CELSR3: variants seen among roughly 807,000 people sequenced by gnomAD.
CELSR3 encodes the protein EGF-like protein 1.
A neutral mutation model predicts 270.0 loss-of-function variants in CELSR3; 73 were observed. That is an observed-to-expected ratio of 0.27 (90% CI 0.22 to 0.33). The LOEUF (loss-of-function observed/expected upper bound fraction) is 0.33, where lower values mean the gene tolerates loss of function less well. Among genes scored for constraint, CELSR3 ranks in the 10% least tolerant of loss-of-function variants. The pLI is 1.00. For synonymous variants in CELSR3, 1,780 were observed against 1,905.4 expected, an observed-to-expected ratio of 0.93 and a Z score of 1.71; for missense variants, 3,614 against 4,533.8, an observed-to-expected ratio of 0.80 and a Z score of 5.83.
rs748717334 is a variant in CELSR3 at position 48,640,220 on chromosome 3, G to T, written c.9365C>A (p.Pro3122Gln). ...LEPKDRGSTL[P>Q]RRQPPRDYPG... ...GTAGTCCCGAGGTGGCTGCCTCCGT[G>T]GCAGGGTGCTGCCCCGATCTTTGGG... Residue 3122 changes from proline (P) to glutamine (Q), a missense_variant, in exon 34 of 35, where the codon CCA (proline) becomes CAA (glutamine). Physicochemically the swap from Pro to Gln is moderately conservative, Grantham distance 76. This residue lies in a region of CELSR3 where 1,240 missense variants were observed against 1,351.7 expected (regional missense o/e 0.92). Coordinates refer to ENST00000164024, the MANE Select transcript of CELSR3 (RefSeq NM_001407.3). This position sits in a 1 kb window ranked among gnomAD's most constrained non-coding sequence, Gnocchi z 7.5. The T allele has an allele frequency of 6.2e-7, 1 of 1,612,668 alleles. No homozygotes were observed. The highest frequency in any genetic ancestry group is 1.3e-5 in the African/African-American group (1 of 74,944).
Position 48,655,793 on chromosome 3 carries a change from G to A in CELSR3, c.4684C>T (p.His1562Tyr). The change falls in exon 4 of 35, where the codon CAC becomes TAC. Residue 1562 changes from histidine (H) to tyrosine (Y), a missense_variant. By Grantham distance (83) the His-to-Tyr change is moderately conservative. Around this residue, in one of 7 missense-constraint regions of CELSR3, gnomAD observed 1,331 missense variants for 1,933.7 expected, o/e 0.69. Coordinates refer to ENST00000164024, the MANE Select transcript of CELSR3 (RefSeq NM_001407.3). This position sits in a 1 kb window ranked among gnomAD's most constrained non-coding sequence, Gnocchi z 5.8. Reference protein sequence around the residue: ...LFYNGRLNEKHDFLALELVAG... With the variant: ...LFYNGRLNEKYDFLALELVAG... Reference sequence around the variant, plus strand: ...ACGAGTTCCAGGGCCAGGAAGTCGTGCTTCTCGTTCAGGCGCCCGTTGTAG... The same window carrying A: ...ACGAGTTCCAGGGCCAGGAAGTCGTACTTCTCGTTCAGGCGCCCGTTGTAG... 3 of 1,601,608 alleles carry A rather than the reference G, an allele frequency of 1.9e-6. No homozygotes were observed. Among genetic ancestry groups the A allele is most frequent in the Non-Finnish European group, 1.7e-6 (2 of 1,173,066 alleles).
In CELSR3 at chr3:48,651,698, C is replaced by A; in HGVS notation, c.5944G>T (p.Val1982Leu). ...CAGGGGTTCAGGAGGCAGGCATCCA[C>A]ACAGCCTGGGCCGTAGTAACCTGCA... ...CQPGYYGPGC[V>L]DACLLNPCQN... Residue 1982 changes from valine (V) to leucine (L), a missense_variant, in exon 13 of 35, where the codon GTG becomes TTG. Val to Leu is a conservative substitution (Grantham distance 32, BLOSUM62 1). Transcript: ENST00000164024. The surrounding 1 kb of genome is among the most constrained non-coding windows in gnomAD (Gnocchi z 7.4). The A allele has an allele frequency of 1.3e-6, 2 of 1,561,880 alleles. No individual in the cohort carries two copies. The highest frequency in any genetic ancestry group is 1.4e-5 in the African/African-American group (1 of 73,120).
At chr3:48,643,481 G>A (rs1185329056) in intron 28 of CELSR3, 73 bp downstream of exon 28, 20 of 1,503,910 alleles carry the variant, frequency 1.3e-5, no homozygotes, top group East Asian at 5.0e-5. Context: ...TAGGGTCAAC[G>A]TCTGCCTAGG....
rs369539982 is a variant in CELSR3, at chr3:48,660,997, G to T, written c.1638C>A (p.Ser546Arg). 33 of 1,613,762 alleles carry T rather than the reference G, an allele frequency of 2.0e-5. No homozygotes were observed. The African/African-American group carries it at 3.1e-4, about 15-fold the overall frequency. The change falls in exon 1 of 35, where the codon AGC becomes AGA. Residue 546 changes from serine (S) to arginine (R), a missense_variant. Ser to Arg is a moderately radical substitution (Grantham distance 110, BLOSUM62 -1). Transcript: ENST00000164024. This position sits in a 1 kb window ranked among gnomAD's most constrained non-coding sequence, Gnocchi z 5.5. ...LDENDNAPQF[S>R]EKRYVAQVRE... ...GCACCTGCGCCACGTAGCGCTTCTCGCTGAACTGAGGAGCATTGTCGTTCT... is the reference window on the plus strand; with the variant it reads ...GCACCTGCGCCACGTAGCGCTTCTCTCTGAACTGAGGAGCATTGTCGTTCT...
chr3:48,661,843 C>A lies in CELSR3; in HGVS notation c.792G>T (p.Glu264Asp), dbSNP rs1291624516. The A allele has an allele frequency of 1.2e-6, 2 of 1,610,380 alleles. No homozygotes were observed. The highest frequency in any genetic ancestry group is 3.3e-5 in the Admixed American group (2 of 59,942). Reference protein sequence around the residue: ...TAPASGSAPRESRTAPEPAPK... With the variant: ...TAPASGSAPRDSRTAPEPAPK... ...GCGCCGGCTCGGGAGCTGTCCGAGA[C>A]TCGCGGGGTGCTGAACCTGATGCAG... Residue 264 changes from glutamate to aspartate, a missense_variant, in exon 1 of 35, where the codon GAG (glutamate) becomes GAT (aspartate). This residue lies in a region of CELSR3 where 470 missense variants were observed against 469.7 expected (regional missense o/e 1.00). Coordinates refer to ENST00000164024, the MANE Select transcript of CELSR3 (RefSeq NM_001407.3).
At position 48,653,731 on chromosome 3, in the gene CELSR3, C is replaced by T. The variant is rs756034424; in HGVS notation, c.5336G>A (p.Ser1779Asn). The change falls in exon 9 of 35, where the codon AGT becomes AAT. Residue 1779 changes from serine to asparagine, a missense_variant. Coordinates refer to ENST00000164024, the MANE Select transcript of CELSR3 (RefSeq NM_001407.3). This position sits in a 1 kb window ranked among gnomAD's most constrained non-coding sequence, Gnocchi z 6.5. ...GNGTLSWNFGSDMAVSVPWYL... is the reference protein window; with the variant it reads ...GNGTLSWNFGNDMAVSVPWYL... ...CCATGGCACAGACACAGCCATGTCACTTCCAAAGTTCCAGCTCAGTGTGCC... is the reference window on the plus strand; with the variant it reads ...CCATGGCACAGACACAGCCATGTCATTTCCAAAGTTCCAGCTCAGTGTGCC... The T allele has an allele frequency of 1.9e-6, 3 of 1,614,224 alleles. No individual in the cohort carries two copies. In the Admixed American group the frequency reaches 5.0e-5, roughly 27 times the overall value.
In CELSR3 at chr3:48,641,384, C is replaced by A. The variant is rs1361568479; in HGVS notation, c.8965G>T (p.Asp2989Tyr). ...TCATCCCCACTGGTCAGGGCCGGGT[C>A]TGGCTGGTTGTTGTTAGCTGCATCC... ...SKDAANNNQP[D>Y]PALTSGDETS... The change falls in exon 33 of 35, where the codon GAC becomes TAC. Residue 2989 changes from aspartate (D) to tyrosine (Y), a missense_variant. By Grantham distance (160) the Asp-to-Tyr change is radical. Transcript: ENST00000164024. The surrounding 1 kb of genome is among the most constrained non-coding windows in gnomAD (Gnocchi z 4.8). 6.2e-7 allele frequency: 1 copy of A among 1,612,746 alleles called. No individual in the cohort carries two copies. Among genetic ancestry groups the A allele is most frequent in the East Asian group, 2.2e-5 (1 of 44,876 alleles).
chr3:48,637,597 A>AAC lies in CELSR3; in HGVS notation c.*606_*607dup, dbSNP rs1411815115. 6.5e-6 allele frequency: 1 copy of AAC among 154,196 alleles called. No homozygotes were observed. The highest frequency in any genetic ancestry group is 1.4e-5 in the Non-Finnish European group (1 of 69,118). The allele number at this position is 154,196 out of a possible 1,614,324, so 9.6% of individuals were successfully genotyped here. Reference sequence around the variant, plus strand: ...TAAGTGGCAGGGACTCCACATAATAAACACACACATCCACCAGGAGGGGCG... The same window carrying AAC: ...TAAGTGGCAGGGACTCCACATAATAAACACACACACATCCACCAGGAGGGGCG... On this transcript the variant is annotated 3_prime_UTR_variant, in exon 35 of 35. Transcript: ENST00000164024.
In CELSR3 at chr3:48,651,435, C is replaced by G; in HGVS notation, c.6110G>C (p.Cys2037Ser). 1 of 1,614,016 alleles carries G rather than the reference C, an allele frequency of 6.2e-7. No individual in the cohort carries two copies. Among genetic ancestry groups the G allele is most frequent in the Non-Finnish European group, 8.5e-7 (1 of 1,179,970 alleles). Residue 2037 changes from cysteine to serine, a missense_variant, in exon 14 of 35, where the codon TGT (cysteine) becomes TCT (serine). Coordinates refer to ENST00000164024, the MANE Select transcript of CELSR3 (RefSeq NM_001407.3). The surrounding 1 kb of genome is among the most constrained non-coding windows in gnomAD (Gnocchi z 7.4). ...GTGAACATCACAGTTGCAGGGGCCA[C>G]AGGTTGGGCTCCCCCACCAGCCCCG... ...CPRGWWGSPT[C>S]GPCNCDVHKG...
Position 48,646,481 on chromosome 3 carries a change from C to T in CELSR3, c.7296-224G>A, listed in dbSNP as rs1247683048. ...TTGCCTCTGATTGCCCTCCCTCCTACCCCCATCAGTCAGCCTGTCCTTGTC... is the reference window on the plus strand; with the variant it reads ...TTGCCTCTGATTGCCCTCCCTCCTATCCCCATCAGTCAGCCTGTCCTTGTC... On this transcript the variant is annotated intron_variant, in intron 21 of 34. Coordinates refer to ENST00000164024, the MANE Select transcript of CELSR3 (RefSeq NM_001407.3). This position sits in a 1 kb window ranked among gnomAD's most constrained non-coding sequence, Gnocchi z 4.8. Among the ~76,000 whole-genome samples, 1 of 152,236 alleles carries T rather than the reference C, an allele frequency of 6.6e-6. No homozygotes were observed. The highest frequency in any genetic ancestry group is 2.4e-5 in the African/African-American group (1 of 41,454).
chr3:48,638,576 G>A (rs1411126216), intron 34 of CELSR3, among the ~76,000 whole-genome samples: 1 of 151,626 alleles, frequency 6.6e-6, no homozygotes, highest in Admixed American at 6.5e-5. Context: ...TGAGGAAACT[G>A]AGGCCCAGAA....
chr3:48,661,234 G>T lies in CELSR3; in HGVS notation c.1401C>A (p.Asn467Lys), dbSNP rs375384895. 2 of 1,607,332 alleles carry T rather than the reference G, an allele frequency of 1.2e-6. No homozygotes were observed. Among genetic ancestry groups the T allele is most frequent in the Admixed American group, 1.7e-5 (1 of 59,428 alleles). ...ATDGDAPPNA[N>K]LRYRFVGPPA... ...GCGGCCCCACGAAGCGGTAGCGCAG[G>T]TTGGCGTTGGGGGGCGCGTCGCCGT... Residue 467 changes from asparagine to lysine, a missense_variant, in exon 1 of 35, where the codon AAC (asparagine) becomes AAA (lysine). By Grantham distance (94) the Asn-to-Lys change is moderately conservative. Transcript: ENST00000164024.
In CELSR3 at chr3:48,640,254, G is replaced by A. The variant is rs774457129; in HGVS notation, c.9331C>T (p.Arg3111Ter). Reference protein sequence around the residue: ...SQECMDAAPGRLEPKDRGSTL... With the variant: ...SQECMDAAPG ...CTGCCCCGATCTTTGGGCTCCAGTC[G>A]GCCTGGTGCAGCATCCATGCATTCC... The change falls in exon 34 of 35, where the codon CGA becomes TGA. Residue 3111 changes from arginine (R) to a stop codon, truncating the protein, a stop_gained. Coordinates refer to ENST00000164024, the MANE Select transcript of CELSR3 (RefSeq NM_001407.3). LOFTEE classifies it high-confidence loss of function. The surrounding 1 kb of genome is among the most constrained non-coding windows in gnomAD (Gnocchi z 7.5). The A allele has an allele frequency of 7.4e-6, 12 of 1,612,750 alleles. No individual in the cohort carries two copies. The highest frequency in any genetic ancestry group is 2.2e-5 in the South Asian group (2 of 91,084).
chr3:48,645,107 G>T lies in CELSR3; in HGVS notation c.7900C>A (p.Pro2634Thr), dbSNP rs776418930. 8 of 1,605,466 alleles carry T rather than the reference G, an allele frequency of 5.0e-6. No individual in the cohort carries two copies. The highest frequency in any genetic ancestry group is 6.0e-6 in the Non-Finnish European group (7 of 1,173,994). Residue 2634 changes from proline to threonine, a missense_variant, in exon 25 of 35, where the codon CCA becomes ACA. Pro to Thr is a conservative substitution (Grantham distance 38). Transcript: ENST00000164024. The surrounding 1 kb of genome is among the most constrained non-coding windows in gnomAD (Gnocchi z 5.4). ...GLHLYRMQVE[P>T]RNVDRGAMRF... ...ATGGCGCCGCGGTCCACGTTGCGTG[G>T]CTCAACCTGCATGCGGTAGAGGTGC...
In CELSR3 at chr3:48,653,615, A is replaced by C; in HGVS notation, c.5448+4T>G. 2 of 1,613,574 alleles carry C rather than the reference A, an allele frequency of 1.2e-6. No homozygotes were observed. Among genetic ancestry groups the C allele is most frequent in the South Asian group, 2.2e-5 (2 of 91,046 alleles). On this transcript the variant is annotated splice_donor_region_variant and intron_variant, in intron 9 of 34. Transcript: ENST00000164024. This position sits in a 1 kb window ranked among gnomAD's most constrained non-coding sequence, Gnocchi z 6.5. ...GGGTATAGGGGTGAGCAGGGTGGAC[A>C]CACCTGGCAAAGGAGCGTGCTGTGT...
rs1345929266 is a variant in CELSR3 at position 48,650,834 on chromosome 3, T to C, written c.6370+58A>G. Reference sequence around the variant, plus strand: ...AGGAGCCATGTGTGCCACTGACACGTGATGGTGGCACACTGGAACCAGCCC... The same window carrying C: ...AGGAGCCATGTGTGCCACTGACACGCGATGGTGGCACACTGGAACCAGCCC... On this transcript the variant is annotated intron_variant, in intron 15 of 34. Transcript: ENST00000164024. This position sits in a 1 kb window ranked among gnomAD's most constrained non-coding sequence, Gnocchi z 5.1. The C allele has an allele frequency of 4.7e-5, 73 of 1,553,804 alleles. No homozygotes were observed. Among genetic ancestry groups the C allele is most frequent in the Non-Finnish European group, 5.9e-5 (68 of 1,144,944 alleles).
chr3:48,643,351 C>A, intron 28 of CELSR3: 1 of 735,006 alleles, frequency 1.4e-6, no homozygotes, highest in Non-Finnish European at 2.2e-6. Flanking sequence ...AGCACTCAGT[C>A]TGGGATCAGT....
chr3:48,640,599 AG>A lies in CELSR3; in HGVS notation c.9026-41del. ...AAATGGGGGGCAGGGTTTGTGTGGG[AG>A]GGGGAGGGCAGGCAGGAATTGCTGA... On this transcript the variant is annotated intron_variant, in intron 33 of 34. Coordinates refer to ENST00000164024, the MANE Select transcript of CELSR3 (RefSeq NM_001407.3). This position sits in a 1 kb window ranked among gnomAD's most constrained non-coding sequence, Gnocchi z 7.5. 2 of 1,249,170 alleles carry A rather than the reference AG, an allele frequency of 1.6e-6. No individual in the cohort carries two copies. The highest frequency in any genetic ancestry group is 2.2e-6 in the Non-Finnish European group (2 of 918,284). 77.4% of individuals were successfully genotyped at this position (1,249,170 alleles called of 1,614,324 possible).
Position 48,658,889 on chromosome 3 carries a change from G to C in CELSR3, c.3746C>G (p.Thr1249Arg). 1 of 1,612,756 alleles carries C rather than the reference G, an allele frequency of 6.2e-7. No individual in the cohort carries two copies. The highest frequency in any genetic ancestry group is 8.5e-7 in the Non-Finnish European group (1 of 1,178,832). ...PLVASMLVTV[T>R]DGLHSVTAQC... Reference sequence around the variant, plus strand: ...CTTGCCTGCCCCCTGCCCCTCACCTGTGACAGTCACCAACATGGAGGCCAC... The same window carrying C: ...CTTGCCTGCCCCCTGCCCCTCACCTCTGACAGTCACCAACATGGAGGCCAC... Residue 1249 changes from threonine to arginine, a missense_variant and splice_region_variant, in exon 1 of 35, where the codon ACA becomes AGA. By Grantham distance (71) the Thr-to-Arg change is moderately conservative. Transcript: ENST00000164024. The surrounding 1 kb of genome is among the most constrained non-coding windows in gnomAD (Gnocchi z 4.7).
Sources: allele counts gnomAD v4.1 joint callset (sites outside exome capture counted in the v4.1 genomes callset), GRCh38; gene constraint gnomAD v4.1.1; regional missense constraint gnomAD v4.1.1; non-coding constraint Gnocchi (gnomAD v3.1); transcripts MANE v1.5; gene names NCBI Gene and HGNC (gene_info 2026-07-23, HGNC 2026-07-21).